SORT1: variants seen among roughly 807,000 people sequenced by gnomAD.
SORT1 encodes sortilin 1.
SORT1 carries 39 observed loss-of-function variants against 101.7 expected under a neutral mutation model. The observed-to-expected ratio is 0.38, with a 90% CI of 0.30 to 0.50. The LOEUF is 0.50. Among genes scored for constraint, SORT1 ranks in the 20% least tolerant of loss-of-function variants. The pLI, the probability that SORT1 is intolerant of heterozygous loss-of-function variation, is 0.90. For missense variants in SORT1, 878 were observed against 1,040.4 expected, an observed-to-expected ratio of 0.84 and a Z score of 2.15; for synonymous variants, 396 against 393.7, an observed-to-expected ratio of 1.01 and a Z score of -0.07.
At chr1:109,324,374 G>A (rs1235532051) in intron 14 of SORT1, among the ~76,000 whole-genome samples, 1 of 152,110 alleles carries the variant, frequency 6.6e-6, no homozygotes, top group Non-Finnish European at 1.5e-5. Context: ...CTGACCTCGT[G>A]ATCTGCCTAT....
intron 1 of SORT1, among the ~76,000 whole-genome samples, chr1:109,382,460 A>C (rs756711202): frequency 1.4e-4 from 21 of 152,124 alleles, no homozygotes; most frequent in Non-Finnish European, 2.6e-4. Flanking sequence ...TCTTATTTAT[A>C]TTACACTAGT....
intron 5 of SORT1, among the ~76,000 whole-genome samples, chr1:109,351,203 G>A (rs1485625760): frequency 2.0e-5 from 3 of 152,182 alleles, no homozygotes; most frequent in East Asian, 1.9e-4. Flanking sequence ...TAACAAATGC[G>A]TATGAAGTGC....
At chr1:109,320,418 A>T (rs1159868320) in intron 15 of SORT1, among the ~76,000 whole-genome samples, 2 of 146,546 alleles carry the variant, frequency 1.4e-5, no homozygotes, top group African/African-American at 5.0e-5. Flanking sequence ...TAGCCTGAGG[A>T]TCCTCCTTCT....
At chr1:109,327,936 C>T (rs1648197408) in intron 11 of SORT1, among the ~76,000 whole-genome samples, 1 of 152,202 alleles carries the variant, frequency 6.6e-6, no homozygotes, top group African/African-American at 2.4e-5. Context: ...GTTGGCTACT[C>T]TAGGTAGCTC....
chr1:109,371,467 G>A (rs1651478801), intron 1 of SORT1, among the ~76,000 whole-genome samples: 1 of 152,172 alleles, frequency 6.6e-6, no homozygotes, highest in Non-Finnish European at 1.5e-5. Flanking sequence ...TCTTTCCAAG[G>A]AAGGTCCTTG....
At chr1:109,392,803 G>C in intron 1 of SORT1, 1 of 983,756 alleles carries the variant, frequency 1.0e-6, no homozygotes, top group Non-Finnish European at 1.2e-6. Context: ...TTGCATGAGA[G>C]AAGACTCTTC....
chr1:109,354,873 G>C (rs1650205098), intron 4 of SORT1, among the ~76,000 whole-genome samples: 2 of 152,054 alleles, frequency 1.3e-5, no homozygotes, highest in African/African-American at 4.8e-5. Flanking sequence ...ACCTTGGGCG[G>C]GGAACAAAAA....
Position 109,312,804 on chromosome 1 carries a change from T to C in SORT1, c.*1239A>G, listed in dbSNP as rs1045505002. Reference sequence around the variant, plus strand: ...AGAGGTATCAAATGGAAAACTTCTTTTAATCCAAAATAAGAACTTAATGTA... The same window carrying C: ...AGAGGTATCAAATGGAAAACTTCTTCTAATCCAAAATAAGAACTTAATGTA... On this transcript the variant is annotated 3_prime_UTR_variant, in exon 20 of 20. Coordinates refer to ENST00000256637, the MANE Select transcript of SORT1 (RefSeq NM_002959.7). 6.6e-6 allele frequency: 1 copy of C among 152,206 alleles called. No homozygotes were observed. The highest frequency in any genetic ancestry group is 1.5e-5 in the Non-Finnish European group (1 of 68,050). The allele number at this position is 152,206 out of a possible 1,614,324, so 9.4% of individuals were successfully genotyped here.
At chr1:109,320,023 T>C (rs535556392) in intron 15 of SORT1, among the ~76,000 whole-genome samples, 63 of 152,262 alleles carry the variant, frequency 4.1e-4, no homozygotes, top group African/African-American at 1.4e-3. Context: ...AACCTTGGCA[T>C]TGGTAAAGCT....
At chr1:109,387,588 T>C (rs1229214404) in intron 1 of SORT1, among the ~76,000 whole-genome samples, 2 of 152,228 alleles carry the variant, frequency 1.3e-5, no homozygotes, top group Non-Finnish European at 2.9e-5. Flanking sequence ...TATAACCAGA[T>C]GACCAGGTAT....
intron 10 of SORT1, among the ~76,000 whole-genome samples, chr1:109,340,079 AC>A (rs1316217439): frequency 6.7e-6 from 1 of 149,502 alleles, no homozygotes; most frequent in African/African-American, 2.5e-5. Context: ...AACTTGGGAG[AC>A]CAAGGTTGCA....
intron 11 of SORT1, among the ~76,000 whole-genome samples, chr1:109,328,213 A>G (rs947023118): frequency 6.6e-6 from 1 of 152,236 alleles, no homozygotes; most frequent in Admixed American, 6.5e-5. Context: ...TTGTACAAAT[A>G]TCTTTTTGAG....
intron 5 of SORT1, among the ~76,000 whole-genome samples, chr1:109,353,328 CAAAAAAA>C (rs1228771965): frequency 1.6e-5 from 1 of 61,056 alleles, no homozygotes; most frequent in African/African-American, 7.0e-5. Flanking sequence ...AACTCTGTCT[CAAAAAAA>C]AAAAAAAAAA....
intron 3 of SORT1, among the ~76,000 whole-genome samples, chr1:109,360,378 G>C (rs2101613988): frequency 6.6e-6 from 1 of 152,270 alleles, no homozygotes; most frequent in African/African-American, 2.4e-5. Context: ...TGCCACCCAG[G>C]CTGGGGTGCA....
chr1:109,357,578 G>A (rs1650411997), intron 3 of SORT1, among the ~76,000 whole-genome samples: 1 of 152,184 alleles, frequency 6.6e-6, no homozygotes, highest in African/African-American at 2.4e-5. Flanking sequence ...TATCTGTGAG[G>A]ATTTTTTCCC....
chr1:109,347,575 G>C (rs1443687786), intron 6 of SORT1, 43 bp from the exon 7 acceptor site: 1 of 1,376,568 alleles, frequency 7.3e-7, no homozygotes, highest in African/African-American at 1.4e-5. Context: ...GTTTAAGACT[G>C]CTGAAGGACT....
At chr1:109,392,556 A>T in intron 1 of SORT1, 2 of 962,424 alleles carry the variant, frequency 2.1e-6, no homozygotes, top group South Asian at 9.6e-5. Context: ...ATCACTGTGC[A>T]CAGAGCCAAA....
intron 10 of SORT1, among the ~76,000 whole-genome samples, chr1:109,340,435 G>C (rs1649133738): frequency 6.6e-6 from 1 of 152,084 alleles, no homozygotes; most frequent in South Asian, 2.1e-4. Flanking sequence ...TTGTGCACCT[G>C]GTGCAATTTC....
chr1:109,389,739 G>C (rs1022454558), intron 1 of SORT1: 3 of 152,170 alleles, frequency 2.0e-5, no homozygotes, highest in Non-Finnish European at 2.9e-5. Context: ...TTTTGGAAAC[G>C]TTAGCACTTC....
Sources: gnomAD v4.1 joint callset for allele counts (sites outside exome capture counted in the v4.1 genomes callset) on GRCh38, gnomAD v4.1.1 for gene constraint, MANE v1.5 for transcripts, NCBI Gene and HGNC (gene_info 2026-07-23, HGNC 2026-07-21) for gene names.